Variants in CDH18 observed in about 807,000 individuals in gnomAD.
CDH18 encodes cadherin 18.
CDH18 carries 31 observed loss-of-function variants against 67.9 expected under a neutral mutation model. That is an observed-to-expected ratio of 0.46 (90% CI 0.34 to 0.62). The LOEUF (loss-of-function observed/expected upper bound fraction) is 0.62. Ranked by LOEUF, CDH18 falls within the 20% of genes least tolerant of loss-of-function variation. The pLI is 0.01. For synonymous variants in CDH18, 362 were observed against 347.2 expected, an observed-to-expected ratio of 1.04 and a Z score of -0.48; for missense variants, 890 against 975.5, an observed-to-expected ratio of 0.91 and a Z score of 1.17.
At chr5:19,649,402 G>C (rs948216487) in intron 5 of CDH18, among the ~76,000 whole-genome samples, 7 of 151,894 alleles carry the variant, frequency 4.6e-5, no homozygotes, top group African/African-American at 1.7e-4. Flanking sequence ...CTCAATATTT[G>C]GCTTCATGTG....
chr5:20,256,986 A>C (rs1178153101), intron 1 of CDH18, among the ~76,000 whole-genome samples: 18 of 116,436 alleles, frequency 1.5e-4, no homozygotes, highest in South Asian at 2.9e-4. Context: ...CTATATCTAT[A>C]TCTATCTATC....
intron 2 of CDH18, among the ~76,000 whole-genome samples, chr5:20,057,407 G>T (rs754154987): frequency 2.6e-5 from 4 of 152,052 alleles, no homozygotes; most frequent in Non-Finnish European, 4.4e-5. Flanking sequence ...GACAGATTTT[G>T]TTGTACTGAA....
At chr5:20,380,278 A>G (rs990625805) in intron 1 of CDH18, among the ~76,000 whole-genome samples, 2 of 152,170 alleles carry the variant, frequency 1.3e-5, no homozygotes, top group African/African-American at 4.8e-5. Context: ...CTATAGTTAT[A>G]TGACTTAGGG....
chr5:19,822,960 G>A (rs972281882), intron 3 of CDH18, among the ~76,000 whole-genome samples: 5 of 152,112 alleles, frequency 3.3e-5, no homozygotes, highest in South Asian at 4.1e-4. Flanking sequence ...CCATTTTAGA[G>A]GCCCACCCTC....
intron 2 of CDH18, among the ~76,000 whole-genome samples, chr5:20,018,742 C>G (rs1738116296): frequency 6.6e-6 from 1 of 151,514 alleles, no homozygotes; most frequent in South Asian, 2.1e-4. Flanking sequence ...CTGGTAAAAA[C>G]AGTTGTGGTA....
chr5:19,667,898 G>C (rs758631385), intron 5 of CDH18, among the ~76,000 whole-genome samples: 2 of 151,800 alleles, frequency 1.3e-5, no homozygotes, highest in African/African-American at 2.4e-5. Flanking sequence ...TTCTATGCTA[G>C]AGGGATATTT....
At chr5:19,630,409 A>G (rs1179211559) in intron 5 of CDH18, among the ~76,000 whole-genome samples, 2 of 152,098 alleles carry the variant, frequency 1.3e-5, no homozygotes, top group Non-Finnish European at 2.9e-5. Context: ...GTAGCTTTGT[A>G]TTCTTAATAT....
chr5:20,208,763 T>C (rs2126361273), intron 2 of CDH18, among the ~76,000 whole-genome samples: 1 of 152,024 alleles, frequency 6.6e-6, no homozygotes, highest in African/African-American at 2.4e-5. Flanking sequence ...GCCAAAGAAT[T>C]AATCAAGAAT....
intron 3 of CDH18, among the ~76,000 whole-genome samples, chr5:19,760,488 T>G (rs111249400): frequency 2.0e-5 from 3 of 152,238 alleles, no homozygotes; most frequent in African/African-American, 7.2e-5. Context: ...TGGCTAACAA[T>G]GCAAATAAAG....
At chr5:19,478,272 T>C (rs1738826307) in intron 12 of CDH18, among the ~76,000 whole-genome samples, 1 of 152,176 alleles carries the variant, frequency 6.6e-6, no homozygotes, top group Non-Finnish European at 1.5e-5. Flanking sequence ...GTAGCTTGCA[T>C]AGCAGAATTT....
intron 2 of CDH18, among the ~76,000 whole-genome samples, chr5:20,199,070 A>G (rs982287771): frequency 6.6e-6 from 1 of 152,238 alleles, no homozygotes; most frequent in Non-Finnish European, 1.5e-5. Flanking sequence ...AGGGCAATGC[A>G]GCAGGGAAAT....
At chr5:19,858,940 C>T (rs1784572405) in intron 2 of CDH18, among the ~76,000 whole-genome samples, 1 of 151,464 alleles carries the variant, frequency 6.6e-6, no homozygotes, top group African/African-American at 2.4e-5. Context: ...ATGTGTACAG[C>T]TAAATTTAAA....
At chr5:20,282,160 C>G (rs1189212649) in intron 1 of CDH18, among the ~76,000 whole-genome samples, 1 of 152,154 alleles carries the variant, frequency 6.6e-6, no homozygotes. Flanking sequence ...CATCTGCAAA[C>G]AGAGACAATT....
rs1029662878 is a variant in CDH18, at chr5:19,968,366, A to C, written c.-257+12694T>G. Among the ~76,000 whole-genome samples, 4 of 152,166 alleles carry C rather than the reference A, an allele frequency of 2.6e-5. No homozygotes were observed. In the East Asian group the frequency reaches 5.8e-4, roughly 22 times the overall value. Reference sequence around the variant, plus strand: ...ACTTTAAAGTTCATATGGAACCAAAAAAGAGCCTGCATCGCCCAGTCAATC... The same window carrying C: ...ACTTTAAAGTTCATATGGAACCAAACAAGAGCCTGCATCGCCCAGTCAATC... On this transcript the variant is annotated intron_variant, in intron 2 of 12. Coordinates refer to ENST00000382275, the MANE Select transcript of CDH18 (RefSeq NM_004934.5).
chr5:19,471,368 T>G lies in CDH18; in HGVS notation c.*1858A>C, dbSNP rs1737631991. Among the ~76,000 whole-genome samples, 1 of 152,074 alleles carries G rather than the reference T, an allele frequency of 6.6e-6. No homozygotes were observed. The highest frequency in any genetic ancestry group is 1.5e-5 in the Non-Finnish European group (1 of 68,006). ...AAATTGAGAATTATTCAAATTAAGC[T>G]TACTTACTTCCCATACCTCAAATTA... On this transcript the variant is annotated 3_prime_UTR_variant, in exon 13 of 13. Coordinates refer to ENST00000382275, the MANE Select transcript of CDH18 (RefSeq NM_004934.5).
intron 2 of CDH18, among the ~76,000 whole-genome samples, chr5:19,896,470 G>C (rs1290067896): frequency 6.6e-6 from 1 of 152,128 alleles, no homozygotes; most frequent in Non-Finnish European, 1.5e-5. Flanking sequence ...ACACATAAAA[G>C]ATGAGGCTGT....
intron 4 of CDH18, among the ~76,000 whole-genome samples, chr5:19,734,347 C>G (rs1768016216): frequency 6.6e-6 from 1 of 152,154 alleles, no homozygotes; most frequent in Non-Finnish European, 1.5e-5. Context: ...GCAGGAGTAA[C>G]TGCATCAGAA....
At chr5:19,484,192 A>T (rs1057044420) in intron 11 of CDH18, among the ~76,000 whole-genome samples, 1 of 152,228 alleles carries the variant, frequency 6.6e-6, no homozygotes, top group African/African-American at 2.4e-5. Context: ...TGCCTGCATG[A>T]TATATTGTGT....
chr5:20,174,723 G>A (rs374810133), intron 2 of CDH18, among the ~76,000 whole-genome samples: 1 of 152,074 alleles, frequency 6.6e-6, no homozygotes, highest in African/African-American at 2.4e-5. Flanking sequence ...TGTGTAAAAT[G>A]ATCGGTAAAT....
Sources: allele counts gnomAD v4.1 joint callset (sites outside exome capture counted in the v4.1 genomes callset), GRCh38; gene constraint gnomAD v4.1.1; transcripts MANE v1.5; gene names NCBI Gene and HGNC (gene_info 2026-07-23, HGNC 2026-07-21).